UBE3C: variants seen among roughly 807,000 people sequenced by gnomAD.
The protein encoded by UBE3C is ubiquitin protein ligase E3C, also known as ubiquitin-protein ligase E3C.
Under a neutral mutation model 129.4 loss-of-function variants are expected in UBE3C, and 42 were observed. That is an observed-to-expected ratio of 0.32 (90% CI 0.25 to 0.42). UBE3C has a LOEUF of 0.42. Ranked by LOEUF, UBE3C falls within the 10% of genes least tolerant of loss-of-function variation. The pLI, the probability that UBE3C is intolerant of heterozygous loss-of-function variation, is 1.00. For missense variants in UBE3C, 1,049 were observed against 1,319.1 expected (o/e 0.80, Z 3.17); for synonymous variants, 510 against 492.4 (o/e 1.04, Z -0.47).
Position 157,220,796 on chromosome 7 carries a change from G to C in UBE3C, c.2002+20G>C, listed in dbSNP as rs572614091. 3.7e-6 allele frequency: 6 copies of C among 1,612,770 alleles called. No individual in the cohort carries two copies. The African/African-American group carries it at 8.0e-5, about 21-fold the overall frequency. ...TGGACGGTGAGTTCTCTAGGACACA[G>C]GGTTACTGAGGTATGAATTACATGC... On this transcript the variant is annotated intron_variant, in intron 15 of 22. Coordinates refer to ENST00000348165, the MANE Select transcript of UBE3C (RefSeq NM_014671.3).
chr7:157,259,632 GTAT>G (rs1457173394), intron 22 of UBE3C, among the ~76,000 whole-genome samples: 1 of 152,148 alleles, frequency 6.6e-6, no homozygotes, highest in Non-Finnish European at 1.5e-5. Context: ...ACAAGACTAC[GTAT>G]TATTATATGT....
intron 18 of UBE3C, among the ~76,000 whole-genome samples, chr7:157,234,805 A>T (rs1796112034): frequency 6.6e-6 from 1 of 152,174 alleles, no homozygotes; most frequent in South Asian, 2.1e-4. Context: ...CAGTTTTCAG[A>T]TAGCATCTCT....
chr7:157,253,928 G>T, intron 19 of UBE3C, 26 bp from the exon 20 acceptor site: 3 of 1,538,940 alleles, frequency 1.9e-6, no homozygotes, highest in Admixed American at 2.1e-5. Flanking sequence ...TGAGGATTTT[G>T]AGATCCTTAC....
chr7:157,197,183 A>G (rs1809144365), intron 10 of UBE3C, among the ~76,000 whole-genome samples: 1 of 152,258 alleles, frequency 6.6e-6, no homozygotes, highest in Admixed American at 6.5e-5. Context: ...TTTACTACAG[A>G]CAAATTTTCA....
In UBE3C at chr7:157,223,054, A is replaced by T. The variant is rs948119833; in HGVS notation, c.2003-200A>T. ...GACATCTTTAATATTCGATCAAGTT[A>T]TGTGTTCGGGGAGCTACTGTGCTGA... On this transcript the variant is annotated intron_variant, in intron 15 of 22. Transcript: ENST00000348165. 3 of 527,030 alleles carry T rather than the reference A, an allele frequency of 5.7e-6. No individual in the cohort carries two copies. The Admixed American group carries it at 9.9e-5, about 17-fold the overall frequency. The allele number at this position is 527,030 out of a possible 1,614,324, so 32.6% of individuals were successfully genotyped here.
At chr7:157,262,876 A>G (rs985512830) in intron 22 of UBE3C, 2 of 152,180 alleles carry the variant, frequency 1.3e-5, no homozygotes, top group African/African-American at 4.8e-5. Flanking sequence ...AGTGCTTCCA[A>G]AGGTTCCTGC....
chr7:157,223,468 C>A, intron 16 of UBE3C, 117 bp downstream of exon 16: 1 of 813,454 alleles, frequency 1.2e-6, no homozygotes, highest in Admixed American at 3.0e-5. Flanking sequence ...ACATAACATA[C>A]TTTTCTCATT....
rs1808731878 is a variant in UBE3C at position 157,183,755 on chromosome 7, A to C, written c.992-123A>C. The C allele has an allele frequency of 2.4e-6, 3 of 1,248,440 alleles. No homozygotes were observed. In the African/African-American group the frequency reaches 4.5e-5, roughly 19 times the overall value. 77.3% of individuals were successfully genotyped at this position (1,248,440 alleles called of 1,614,324 possible). A position where few individuals can be genotyped will look rare whatever the true frequency, so the allele number is the denominator to read the frequency against. ...ATGTTTCCTATTATAACACAGTTAGAATTTTAAAAATAAGATCTGGTCAGA... is the reference window on the plus strand; with the variant it reads ...ATGTTTCCTATTATAACACAGTTAGCATTTTAAAAATAAGATCTGGTCAGA... On this transcript the variant is annotated intron_variant, in intron 8 of 22. Coordinates refer to ENST00000348165, the MANE Select transcript of UBE3C (RefSeq NM_014671.3).
intron 4 of UBE3C, among the ~76,000 whole-genome samples, chr7:157,171,660 T>TTTTATATATA (rs1254040472): frequency 1.5e-5 from 1 of 67,890 alleles, no homozygotes; most frequent in South Asian, 5.6e-4. Flanking sequence ...TTTAAATATT[T>TTTTATATATA]TATATATATA....
chr7:157,254,053 A>ATCCGCCAGCACTGCCTGGCTT lies in UBE3C; in HGVS notation c.2803_2823dup (p.His935_Gln941dup), dbSNP rs1286673325. On this transcript the variant is annotated inframe_insertion, in exon 20 of 23. Coordinates refer to ENST00000348165, the MANE Select transcript of UBE3C (RefSeq NM_014671.3). ...GGCAGACTACAGGCTGAACAGGCAGATCCGCCAGCACTGCCTGGCTTTCCG... is the reference window on the plus strand; with the variant it reads ...GGCAGACTACAGGCTGAACAGGCAGATCCGCCAGCACTGCCTGGCTTTCCGCCAGCACTGCCTGGCTTTCCG... 2 of 1,613,790 alleles carry ATCCGCCAGCACTGCCTGGCTT rather than the reference A, an allele frequency of 1.2e-6. No individual in the cohort carries two copies. The highest frequency in any genetic ancestry group is 1.7e-6 in the Non-Finnish European group (2 of 1,179,904).
chr7:157,245,050 A>G (rs1355267255), intron 18 of UBE3C, among the ~76,000 whole-genome samples: 1 of 152,252 alleles, frequency 6.6e-6, no homozygotes, highest in East Asian at 1.9e-4. Context: ...AGTTGCATAC[A>G]TTATGGAAAT....
chr7:157,244,639 G>A (rs1197235200), intron 18 of UBE3C, among the ~76,000 whole-genome samples: 1 of 152,040 alleles, frequency 6.6e-6, no homozygotes, highest in Non-Finnish European at 1.5e-5. Flanking sequence ...GTTATTTGGC[G>A]GCAAACAGAA....
intron 10 of UBE3C, among the ~76,000 whole-genome samples, chr7:157,191,374 C>G (rs936373324): frequency 1.3e-5 from 2 of 152,200 alleles, no homozygotes; most frequent in African/African-American, 2.4e-5. Context: ...TCACTGAAAC[C>G]CCGCCTCCCA....
intron 10 of UBE3C, among the ~76,000 whole-genome samples, chr7:157,189,614 G>A (rs968857242): frequency 2.0e-5 from 3 of 152,126 alleles, no homozygotes; most frequent in Non-Finnish European, 2.9e-5. Context: ...TCAGCCCCGC[G>A]GCATTCCTGG....
chr7:157,184,471 A>G (rs534985662), intron 9 of UBE3C, among the ~76,000 whole-genome samples: 5 of 152,218 alleles, frequency 3.3e-5, no homozygotes, highest in East Asian at 1.9e-4. Flanking sequence ...CTTCCTTACT[A>G]TTGAGTTTAC....
chr7:157,255,618 C>A (rs1344968089), intron 21 of UBE3C, among the ~76,000 whole-genome samples: 6 of 152,168 alleles, frequency 3.9e-5, no homozygotes, highest in African/African-American at 1.4e-4. Context: ...GCACTGAGGG[C>A]TTGCACCTTT....
At chr7:157,229,847 A>G (rs985022275) in intron 17 of UBE3C, among the ~76,000 whole-genome samples, 9 of 152,174 alleles carry the variant, frequency 5.9e-5, no homozygotes, top group African/African-American at 2.2e-4. Context: ...TCCTGGCCTC[A>G]GGCAGTCCTT....
rs1485040155 is a variant in UBE3C at position 157,181,614 on chromosome 7, T to C, written c.713T>C (p.Leu238Pro). The C allele has an allele frequency of 6.2e-7, 1 of 1,613,752 alleles. No individual in the cohort carries two copies. The highest frequency in any genetic ancestry group is 1.3e-5 in the African/African-American group (1 of 74,920). ...CGAGTTCCTATAGCAAAAATTTTGC[T>C]AGAGAATGTTCTAAAACCATTGCAC... ...LSRVPIAKIL[L>P]ENVLKPLHFT... is the part of the protein sequence containing the mutation. Residue 238 changes from leucine (L) to proline (P), a missense_variant, in exon 7 of 23, where the codon CTA becomes CCA. Leu to Pro is a moderately conservative substitution (Grantham distance 98). Around this residue, in one of 4 missense-constraint regions of UBE3C, gnomAD observed 489 missense variants for 513.8 expected, o/e 0.95. Transcript: ENST00000348165.
chr7:157,158,571 A>G (rs907973934), intron 1 of UBE3C, among the ~76,000 whole-genome samples: 1 of 152,210 alleles, frequency 6.6e-6, no homozygotes, highest in Non-Finnish European at 1.5e-5. Flanking sequence ...AATAATGGAC[A>G]AGATTCCTTT....
Sources: allele counts gnomAD v4.1 joint callset (sites outside exome capture counted in the v4.1 genomes callset), GRCh38; gene constraint gnomAD v4.1.1; regional missense constraint gnomAD v4.1.1; transcripts MANE v1.5; gene names NCBI Gene and HGNC (gene_info 2026-07-23, HGNC 2026-07-21).